The following LARP1 variants were observed in gnomAD, a reference collection of about 807,000 sequenced individuals.
LARP1 encodes La ribonucleoprotein 1, translational regulator, also known as la-related protein 1.
LARP1 carries 36 observed loss-of-function variants against 122.7 expected under a neutral mutation model. That is an observed-to-expected ratio of 0.29 (90% confidence interval 0.22 to 0.39). LARP1 has a LOEUF of 0.39. Among genes scored for constraint, LARP1 ranks in the 10% least tolerant of loss-of-function variants. The pLI is 1.00. For synonymous variants in LARP1, 539 were observed against 528.7 expected, an observed-to-expected ratio of 1.02 and a Z score of -0.27; for missense variants, 1,040 against 1,403.6, an observed-to-expected ratio of 0.74 and a Z score of 4.14.
In LARP1 at chr5:154,816,923, G is replaced by C. The variant is rs1759707644; in HGVS notation, c.*2827G>C. 6.6e-6 allele frequency: 1 copy of C among 152,188 alleles called. No individual in the cohort carries two copies. The highest frequency in any genetic ancestry group is 2.1e-4 in the South Asian group (1 of 4,834). The allele number at this position is 152,188 out of a possible 1,614,324, so 9.4% of individuals were successfully genotyped here. A position where few individuals can be genotyped will look rare whatever the true frequency, so the allele number is the denominator to read the frequency against. ...ACTACCAGTAGAGAAGGGCCATCCA[G>C]CCGTGCCCCAGCCTGGACCCCTGGG... On this transcript the variant is annotated 3_prime_UTR_variant, in exon 19 of 19. Transcript: ENST00000518297.
At chr5:154,758,891 CATT>C (rs1478415963) in intron 1 of LARP1, among the ~76,000 whole-genome samples, 5 of 152,152 alleles carry the variant, frequency 3.3e-5, no homozygotes, top group Non-Finnish European at 5.9e-5. Flanking sequence ...CCAAGTCTTA[CATT>C]TGTAGTTTTA....
rs1253650137 is a variant in LARP1, at chr5:154,755,667, G to A, written c.-91G>A. On this transcript the variant is annotated 5_prime_UTR_variant, in exon 1 of 19. Coordinates refer to ENST00000518297, the MANE Select transcript of LARP1 (RefSeq NM_033551.3). ...AGGGACTGGGGCCCAGCGCCCCGGA[G>A]GAAGGCGTCGCGGGCGCTCTGCTAG... The A allele has an allele frequency of 5.1e-6, 5 of 987,540 alleles. No homozygotes were observed. The South Asian group carries it at 2.3e-4, about 46-fold the overall frequency. The allele number at this position is 987,540 out of a possible 1,614,324, so 61.2% of individuals were successfully genotyped here.
intron 8 of LARP1, among the ~76,000 whole-genome samples, chr5:154,798,568 C>A (rs1363768171): frequency 6.6e-6 from 1 of 152,200 alleles, no homozygotes; most frequent in Non-Finnish European, 1.5e-5. Flanking sequence ...TTTGCCCAGG[C>A]TGGAGTTAGT....
At chr5:154,768,870 C>G (rs1034665937) in intron 1 of LARP1, among the ~76,000 whole-genome samples, 3 of 152,174 alleles carry the variant, frequency 2.0e-5, no homozygotes, top group African/African-American at 7.2e-5. Flanking sequence ...CATGAACCAC[C>G]TTGCCCAGCT....
chr5:154,714,102 C>G (rs1755360687), intron 1 of LARP1, among the ~76,000 whole-genome samples: 1 of 152,200 alleles, frequency 6.6e-6, no homozygotes. Flanking sequence ...GGATTGTAAT[C>G]TGGGCAATGC....
In LARP1 at chr5:154,788,178, G is replaced by A. The variant is rs192424983; in HGVS notation, c.437-2147G>A. 9.6e-4 allele frequency among the ~76,000 whole-genome samples: 146 copies of A among 152,292 alleles called. 1 individual carries two copies. In the East Asian group the frequency reaches 0.018, roughly 19 times the overall value. On this transcript the variant is annotated intron_variant, in intron 1 of 18. Transcript: ENST00000518297. ...GACACAGAAGAAGATTTTGTCAGGG[G>A]ACTAGATGGTATTAGGCTCATCCAG...
intron 1 of LARP1, among the ~76,000 whole-genome samples, chr5:154,769,939 T>TC (rs1755266678): frequency 6.6e-6 from 1 of 152,108 alleles, no homozygotes; most frequent in Non-Finnish European, 1.5e-5. Flanking sequence ...TTTAGAGTTC[T>TC]CCAAGGAGCA....
intron 1 of LARP1, among the ~76,000 whole-genome samples, chr5:154,767,603 C>T (rs1276925938): frequency 6.6e-6 from 1 of 152,134 alleles, no homozygotes; most frequent in Non-Finnish European, 1.5e-5. Flanking sequence ...CTTGAGAATG[C>T]CCTAGTGTTA....
At chr5:154,798,346 T>C (rs1350262167) in intron 8 of LARP1, among the ~76,000 whole-genome samples, 2 of 152,230 alleles carry the variant, frequency 1.3e-5, no homozygotes, top group Non-Finnish European at 2.9e-5. Flanking sequence ...TAAATGGAAA[T>C]ATACAACACA....
intron 1 of LARP1, among the ~76,000 whole-genome samples, chr5:154,759,830 A>C (rs1348571719): frequency 6.6e-6 from 1 of 152,244 alleles, no homozygotes; most frequent in Non-Finnish European, 1.5e-5. Context: ...TGAGACATTA[A>C]ACGCTTAAAA....
chr5:154,804,415 C>T, intron 14 of LARP1, 108 bp downstream of exon 14: 2 of 834,678 alleles, frequency 2.4e-6, no homozygotes, highest in Non-Finnish European at 4.0e-6. Flanking sequence ...AAGGGACCCT[C>T]ATCTAAGAGG....
At chr5:154,774,993 C>A (rs946359076) in intron 1 of LARP1, among the ~76,000 whole-genome samples, 5 of 151,990 alleles carry the variant, frequency 3.3e-5, no homozygotes, top group African/African-American at 4.8e-5. Flanking sequence ...TTTGAATGGT[C>A]GGTGCTGCCA....
intron 3 of LARP1, among the ~76,000 whole-genome samples, chr5:154,791,077 A>G (rs986643540): frequency 2.0e-5 from 3 of 151,208 alleles, no homozygotes; most frequent in Admixed American, 6.6e-5. Context: ...TCAGCCTCCC[A>G]AAGTGCTGGG....
At chr5:154,761,943 A>G (rs1444819170) in intron 1 of LARP1, among the ~76,000 whole-genome samples, 4 of 152,120 alleles carry the variant, frequency 2.6e-5, no homozygotes, top group African/African-American at 7.2e-5. Flanking sequence ...AGTACAGTTC[A>G]TGAATTGAAA....
chr5:154,809,570 C>G (rs1759084242), intron 16 of LARP1, among the ~76,000 whole-genome samples: 1 of 152,052 alleles, frequency 6.6e-6, no homozygotes, highest in Admixed American at 6.6e-5. Flanking sequence ...GTAAAATTTA[C>G]ATACTTGTTT....
intron 1 of LARP1, among the ~76,000 whole-genome samples, chr5:154,734,740 A>G (rs1756780048): frequency 6.6e-6 from 1 of 152,146 alleles, no homozygotes; most frequent in African/African-American, 2.4e-5. Flanking sequence ...AGCGTTAAGT[A>G]TATTCACGTT....
At chr5:154,725,388 CAA>C (rs34840033) in intron 1 of LARP1, among the ~76,000 whole-genome samples, 34 of 61,460 alleles carry the variant, frequency 5.5e-4, no homozygotes, top group Non-Finnish European at 5.2e-4. Flanking sequence ...GACTCTGTCT[CAA>C]AAAAAAAAAA....
intron 1 of LARP1, among the ~76,000 whole-genome samples, chr5:154,692,749 A>T (rs1280903746): frequency 2.0e-5 from 3 of 152,202 alleles, no homozygotes; most frequent in African/African-American, 7.2e-5. Flanking sequence ...CCTCAAAGGA[A>T]GAGGCTGGGG....
chr5:154,790,366 A>C lies in LARP1; in HGVS notation c.478A>C (p.Lys160Gln). Residue 160 changes from lysine to glutamine, a missense_variant, in exon 2 of 19, where the codon AAA becomes CAA. Physicochemically the swap from Lys to Gln is moderately conservative, Grantham distance 53. Around this residue, in one of 8 missense-constraint regions of LARP1, gnomAD observed 257 missense variants for 273.3 expected, o/e 0.94. Coordinates refer to ENST00000518297, the MANE Select transcript of LARP1 (RefSeq NM_033551.3). ...PAKVVRAAVP[K>Q]QRKGSKVGDF... ...CAAGGTGGTGAGGGCAGCTGTTCCT[A>C]AACAGCGCAAAGGCAGCAAGGTAAA... 1 of 1,613,784 alleles carries C rather than the reference A, an allele frequency of 6.2e-7. No individual in the cohort carries two copies. The highest frequency in any genetic ancestry group is 1.3e-5 in the African/African-American group (1 of 75,016).
Sources: gnomAD v4.1 joint callset for allele counts (sites outside exome capture counted in the v4.1 genomes callset) on GRCh38, gnomAD v4.1.1 for gene constraint, gnomAD v4.1.1 regional missense constraint, MANE v1.5 for transcripts, NCBI Gene and HGNC (gene_info 2026-07-23, HGNC 2026-07-21) for gene names.